Variants in HIKESHI observed in about 807,000 individuals in gnomAD.
HIKESHI encodes protein Hikeshi.
A neutral mutation model predicts 25.7 loss-of-function variants in HIKESHI; 13 were observed. That is an observed-to-expected ratio of 0.51 (90% CI 0.33 to 0.80). The LOEUF is 0.80. Among genes scored for constraint, HIKESHI ranks in the 30% least tolerant of loss-of-function variants. The pLI is 0.02. For missense variants in HIKESHI, 174 were observed against 229.5 expected (o/e 0.76, Z 1.56); for synonymous variants, 76 against 78.7 (o/e 0.97, Z 0.18).
At chr11:86,316,871 G>T (rs1288732502) in intron 2 of HIKESHI, among the ~76,000 whole-genome samples, 2 of 131,196 alleles carry the variant, frequency 1.5e-5, no homozygotes, top group South Asian at 2.6e-4. Flanking sequence ...TCGGCTCATT[G>T]CAAGCTCCAC....
intron 3 of HIKESHI, chr11:86,343,845 G>A (rs1007675619): frequency 2.6e-4 from 40 of 152,220 alleles, no homozygotes; most frequent in Admixed American, 2.6e-3. Context: ...TTATTTTTGA[G>A]TGAGTAGAAG....
chr11:86,302,262 T>C lies in HIKESHI; in HGVS notation c.-187T>C, dbSNP rs1395389068. ...CTTGTTGCCTGAGCAGTGGGCTGCT[T>C]AGGAAGAGAAGGTCAGAGTTCGCGG... On this transcript the variant is annotated 5_prime_UTR_variant, in exon 1 of 5. Transcript: ENST00000278483. The C allele has an allele frequency of 9.2e-6, 6 of 652,948 alleles. No homozygotes were observed. The East Asian group carries it at 1.7e-4, about 19-fold the overall frequency. The allele number at this position is 652,948 out of a possible 1,614,324, so 40.4% of individuals were successfully genotyped here. A position where few individuals can be genotyped will look rare whatever the true frequency, so the allele number is the denominator to read the frequency against.
At chr11:86,304,255 C>T (rs372008910) in intron 1 of HIKESHI, among the ~76,000 whole-genome samples, 1 of 152,052 alleles carries the variant, frequency 6.6e-6, no homozygotes, top group South Asian at 2.1e-4. Flanking sequence ...TTATTTGTAT[C>T]GGTAGATAGG....
chr11:86,304,724 C>A (rs758737848), intron 1 of HIKESHI, among the ~76,000 whole-genome samples: 14 of 152,138 alleles, frequency 9.2e-5, no homozygotes, highest in Non-Finnish European at 1.5e-4. Context: ...CCATGTTGGC[C>A]AGGCTGATCT....
chr11:86,306,589 TTAAAG>T, intron 2 of HIKESHI, 107 bp downstream of exon 2: 1 of 651,026 alleles, frequency 1.5e-6, no homozygotes, highest in Non-Finnish European at 2.5e-6. Flanking sequence ...TTTCTGGTTG[TTAAAG>T]TAATACAAAA....
At chr11:86,311,668 A>G (rs1283907556) in intron 2 of HIKESHI, among the ~76,000 whole-genome samples, 1 of 152,122 alleles carries the variant, frequency 6.6e-6, no homozygotes, top group Admixed American at 6.5e-5. Context: ...TCAATTGTAG[A>G]TCTTTCCTGC....
intron 2 of HIKESHI, among the ~76,000 whole-genome samples, chr11:86,314,992 C>A (rs1946935997): frequency 6.6e-6 from 1 of 152,318 alleles, no homozygotes; most frequent in African/African-American, 2.4e-5. Context: ...CTAGGGCATT[C>A]ATGGTACACA....
intron 3 of HIKESHI, among the ~76,000 whole-genome samples, chr11:86,340,322 G>C (rs1347239406): frequency 6.6e-6 from 1 of 152,184 alleles, no homozygotes; most frequent in East Asian, 1.9e-4. Flanking sequence ...TTGAGGAATT[G>C]CCACACTGTC....
intron 1 of HIKESHI, 38 bp from the exon 2 acceptor site, chr11:86,306,207 T>C (rs1353010597): frequency 1.5e-6 from 2 of 1,378,080 alleles, no homozygotes; most frequent in East Asian, 4.6e-5. Flanking sequence ...CAGAAACTCA[T>C]AGAACCATTG....
chr11:86,328,865 C>A (rs895738190), intron 2 of HIKESHI, among the ~76,000 whole-genome samples: 5 of 151,954 alleles, frequency 3.3e-5, no homozygotes, highest in African/African-American at 1.2e-4. Flanking sequence ...GTGTGAGCCA[C>A]TGCGCTCGGC....
At chr11:86,308,269 G>A (rs11821623) in intron 2 of HIKESHI, among the ~76,000 whole-genome samples, 4,594 of 52,914 alleles carry the variant, frequency 0.087, 138 homozygotes, top group African/African-American at 0.17. Context: ...TATAAAATGT[G>A]TATTATATAT....
intron 1 of HIKESHI, among the ~76,000 whole-genome samples, chr11:86,306,025 G>C (rs935745131): frequency 2.6e-5 from 4 of 152,198 alleles, no homozygotes; most frequent in Non-Finnish European, 5.9e-5. Flanking sequence ...GATTACAGGT[G>C]TGAGCCGCTG....
At chr11:86,323,331 C>T (rs1283270898) in intron 2 of HIKESHI, among the ~76,000 whole-genome samples, 3 of 151,500 alleles carry the variant, frequency 2.0e-5, no homozygotes, top group African/African-American at 4.8e-5. Context: ...TTTTGACAAA[C>T]GTGATATCAG....
intron 2 of HIKESHI, among the ~76,000 whole-genome samples, chr11:86,319,242 A>ATTTTTTTT (rs1218981419): frequency 0.076 from 7,197 of 94,592 alleles, 412 homozygotes; most frequent in Non-Finnish European, 0.097. Flanking sequence ...ATATATATAT[A>ATTTTTTTT]TTTTTTTTTT....
intron 2 of HIKESHI, among the ~76,000 whole-genome samples, chr11:86,327,905 G>A (rs903732596): frequency 7.2e-5 from 11 of 152,090 alleles, no homozygotes; most frequent in African/African-American, 2.7e-4. Context: ...GGATTAAAAT[G>A]GCCTTTAAAA....
intron 1 of HIKESHI, 59 bp downstream of exon 1, chr11:86,302,537 C>T (rs1414220361): frequency 9.2e-6 from 14 of 1,524,620 alleles, no homozygotes; most frequent in African/African-American, 1.4e-5. Context: ...CGAAGCCCTA[C>T]GGCAGGGAGG....
At chr11:86,332,071 C>T (rs1410352814) in intron 2 of HIKESHI, among the ~76,000 whole-genome samples, 1 of 151,634 alleles carries the variant, frequency 6.6e-6, no homozygotes, top group Non-Finnish European at 1.5e-5. Flanking sequence ...TGCCATTCTC[C>T]TGCCTCAGCC....
At chr11:86,326,267 C>A (rs1293771724) in intron 2 of HIKESHI, among the ~76,000 whole-genome samples, 1 of 152,154 alleles carries the variant, frequency 6.6e-6, no homozygotes, top group African/African-American at 2.4e-5. Flanking sequence ...CACCACTCTC[C>A]AGCCTGGGCG....
rs1946524499 is a variant in HIKESHI, at chr11:86,302,554, A to G, written c.30+76A>G. The G allele has an allele frequency of 4.6e-6, 7 of 1,505,930 alleles. No homozygotes were observed. In the East Asian group the frequency reaches 1.5e-4, roughly 32 times the overall value. 93.3% of individuals were successfully genotyped at this position (1,505,930 alleles called of 1,614,324 possible). ...AAGCCCTACGGCAGGGAGGGTGCGC[A>G]GGCGCTAGGGATGCGGGGAAGCCCA... On this transcript the variant is annotated intron_variant, in intron 1 of 4. Coordinates refer to ENST00000278483, the MANE Select transcript of HIKESHI (RefSeq NM_016401.4).
Sources: gnomAD v4.1 joint callset for allele counts (sites outside exome capture counted in the v4.1 genomes callset) on GRCh38, gnomAD v4.1.1 for gene constraint, MANE v1.5 for transcripts, NCBI Gene and HGNC (gene_info 2026-07-23, HGNC 2026-07-21) for gene names.